Variants in HDAC9 observed in about 807,000 individuals in gnomAD.
HDAC9 encodes histone deacetylase 9.
HDAC9 carries 41 observed loss-of-function variants against 139.4 expected under a neutral mutation model. The observed-to-expected ratio is 0.29, with a 90% CI of 0.23 to 0.38. The LOEUF (loss-of-function observed/expected upper bound fraction) is 0.38, where lower values mean the gene tolerates loss of function less well. HDAC9 is among the 10% of genes least tolerant of loss of function. HDAC9 has a pLI of 1.00. For missense variants in HDAC9, 1,147 were observed against 1,297.0 expected, an observed-to-expected ratio of 0.88 and a Z score of 1.78; for synonymous variants, 517 against 476.2, an observed-to-expected ratio of 1.09 and a Z score of -1.12.
At chr7:18,235,829 T>G (rs1240157433) in intron 2 of HDAC9, among the ~76,000 whole-genome samples, 3 of 152,194 alleles carry the variant, frequency 2.0e-5, no homozygotes, top group Non-Finnish European at 4.4e-5. Context: ...TTCTAGTCAT[T>G]TCTCTTCACT....
chr7:18,969,248 C>T (rs1784097281), intron 24 of HDAC9, among the ~76,000 whole-genome samples: 2 of 151,936 alleles, frequency 1.3e-5, no homozygotes, highest in African/African-American at 4.8e-5. Flanking sequence ...TTGCATTAGC[C>T]GGAGTGGAGA....
At chr7:18,780,869 AG>A (rs1276101327) in intron 16 of HDAC9, among the ~76,000 whole-genome samples, 5 of 152,062 alleles carry the variant, frequency 3.3e-5, no homozygotes, top group Non-Finnish European at 7.4e-5. Flanking sequence ...TGTGTTCTAA[AG>A]AATCAACAAC....
chr7:18,327,891 A>G (rs1470767239), intron 1 of HDAC9: 1 of 152,016 alleles, frequency 6.6e-6, no homozygotes. Flanking sequence ...AGATGAAATC[A>G]TAACATCAAT....
intron 25 of HDAC9, among the ~76,000 whole-genome samples, chr7:18,978,427 C>T (rs1259247023): frequency 6.6e-6 from 1 of 152,048 alleles, no homozygotes; most frequent in Non-Finnish European, 1.5e-5. Context: ...TGCAGATAGT[C>T]ATTTCGTTTT....
At chr7:18,944,408 G>T (rs1782230474) in intron 23 of HDAC9, among the ~76,000 whole-genome samples, 1 of 152,120 alleles carries the variant, frequency 6.6e-6, no homozygotes, top group African/African-American at 2.4e-5. Context: ...TTGCTCTTAT[G>T]CAAAATATAT....
At chr7:18,990,578 A>G (rs1323037740) in intron 25 of HDAC9, among the ~76,000 whole-genome samples, 4 of 152,200 alleles carry the variant, frequency 2.6e-5, no homozygotes, top group African/African-American at 7.2e-5. Flanking sequence ...GGCTCCACCC[A>G]GTTTGAGCTT....
At chr7:18,330,301 A>G (rs1800817027) in intron 1 of HDAC9, among the ~76,000 whole-genome samples, 1 of 151,408 alleles carries the variant, frequency 6.6e-6, no homozygotes, top group African/African-American at 2.4e-5. Flanking sequence ...ACACTTAGAT[A>G]TTTGCCGGAA....
chr7:18,214,954 A>C (rs1374967453), intron 2 of HDAC9, among the ~76,000 whole-genome samples: 1 of 152,152 alleles, frequency 6.6e-6, no homozygotes, highest in Non-Finnish European at 1.5e-5. Context: ...TGCAGCTATA[A>C]AATGGTACTT....
chr7:18,227,836 G>T (rs947463182), intron 2 of HDAC9, among the ~76,000 whole-genome samples: 1 of 152,048 alleles, frequency 6.6e-6, no homozygotes, highest in Non-Finnish European at 1.5e-5. Flanking sequence ...TTCTTGATTT[G>T]AAACAGTGTG....
At chr7:18,419,793 C>T (rs953296264) in intron 1 of HDAC9, among the ~76,000 whole-genome samples, 9 of 151,960 alleles carry the variant, frequency 5.9e-5, no homozygotes, top group Non-Finnish European at 5.9e-5. Context: ...TTTATAAAAG[C>T]CTTCTGGTTT....
At chr7:18,799,726 C>T (rs1365489739) in intron 17 of HDAC9, among the ~76,000 whole-genome samples, 1 of 151,562 alleles carries the variant, frequency 6.6e-6, no homozygotes, top group African/African-American at 2.4e-5. Context: ...GTCTGAAGAC[C>T]AGGAAGAAAA....
intron 12 of HDAC9, among the ~76,000 whole-genome samples, chr7:18,720,141 T>C (rs978522511): frequency 6.6e-6 from 1 of 152,092 alleles, no homozygotes; most frequent in African/African-American, 2.4e-5. Context: ...AGGAAATGGG[T>C]AGAAATGGTA....
At chr7:18,628,516 C>G (rs1354777943) in intron 6 of HDAC9, among the ~76,000 whole-genome samples, 1 of 152,138 alleles carries the variant, frequency 6.6e-6, no homozygotes, top group Non-Finnish European at 1.5e-5. Context: ...ACTTCTGCTG[C>G]ACAGAGATGC....
chr7:18,628,706 G>A (rs772997818), intron 6 of HDAC9, among the ~76,000 whole-genome samples: 2 of 151,978 alleles, frequency 1.3e-5, no homozygotes, highest in African/African-American at 2.4e-5. Context: ...CCTTCAATTC[G>A]AAGACTTAGC....
chr7:18,755,522 T>TA (rs1378967601), intron 14 of HDAC9, among the ~76,000 whole-genome samples: 1 of 152,120 alleles, frequency 6.6e-6, no homozygotes, highest in Non-Finnish European at 1.5e-5. Flanking sequence ...ATGACCAGTT[T>TA]AAAAAAGCAA....
At chr7:18,427,786 A>G (rs1009986695) in intron 1 of HDAC9, among the ~76,000 whole-genome samples, 2 of 151,548 alleles carry the variant, frequency 1.3e-5, no homozygotes, top group Admixed American at 6.6e-5. Flanking sequence ...TTTTAAATGT[A>G]TAATACTGTA....
At chr7:18,844,426 A>G (rs1398144921) in intron 21 of HDAC9, among the ~76,000 whole-genome samples, 1 of 152,202 alleles carries the variant, frequency 6.6e-6, no homozygotes, top group Non-Finnish European at 1.5e-5. Context: ...AGAATTGTAA[A>G]TCTGCATCTC....
At chr7:18,700,294 A>G (rs1584869940) in intron 12 of HDAC9, among the ~76,000 whole-genome samples, 2 of 152,204 alleles carry the variant, frequency 1.3e-5, no homozygotes, top group Non-Finnish European at 2.9e-5. Context: ...ATGCAGTTGC[A>G]TCTTATGAAT....
At chr7:18,589,895 C>G (rs1399691718) in intron 3 of HDAC9, among the ~76,000 whole-genome samples, 4 of 152,120 alleles carry the variant, frequency 2.6e-5, no homozygotes, top group Admixed American at 6.5e-5. Flanking sequence ...TCTCACCATT[C>G]TGTATTTGCG....
Sources: gnomAD v4.1 joint callset for allele counts (sites outside exome capture counted in the v4.1 genomes callset) on GRCh38, gnomAD v4.1.1 for gene constraint, MANE v1.5 for transcripts, NCBI Gene and HGNC (gene_info 2026-07-23, HGNC 2026-07-21) for gene names.